EFNA5: variants seen among roughly 807,000 people sequenced by gnomAD.
EFNA5 encodes the protein ephrin A5.
Under a neutral mutation model 22.9 loss-of-function variants are expected in EFNA5, and 5 were observed. The ratio of observed to expected loss-of-function variants is 0.22; its 90% CI spans 0.11 to 0.46. The LOEUF is 0.46. Among genes scored for constraint, EFNA5 ranks in the 20% least tolerant of loss-of-function variants. EFNA5 has a pLI of 0.99. For synonymous variants in EFNA5, 113 were observed against 112.2 expected, an observed-to-expected ratio of 1.01 and a Z score of -0.04; for missense variants, 237 against 293.3, an observed-to-expected ratio of 0.81 and a Z score of 1.40.
chr5:107,565,982 T>C (rs1259109154), intron 1 of EFNA5, among the ~76,000 whole-genome samples: 1 of 152,358 alleles, frequency 6.6e-6, no homozygotes, highest in African/African-American at 2.4e-5. Context: ...AGGGCTTTGC[T>C]ATTGTCCCTC....
At chr5:107,628,667 G>A (rs922548649) in intron 1 of EFNA5, among the ~76,000 whole-genome samples, 1 of 152,014 alleles carries the variant, frequency 6.6e-6, no homozygotes, top group Non-Finnish European at 1.5e-5. Context: ...AATGAGTAAT[G>A]GGCTGAAAGC....
chr5:107,447,796 T>C (rs540322628), intron 1 of EFNA5, among the ~76,000 whole-genome samples: 47 of 152,080 alleles, frequency 3.1e-4, no homozygotes, highest in African/African-American at 1.1e-3. Context: ...TAGAACCTTA[T>C]TTTGAAAAAG....
At chr5:107,455,272 T>C (rs544429714) in intron 1 of EFNA5, among the ~76,000 whole-genome samples, 32 of 152,286 alleles carry the variant, frequency 2.1e-4, no homozygotes, top group Middle Eastern at 3.4e-3. Context: ...CATCAACAAA[T>C]GATTGACTGA....
chr5:107,593,795 C>T lies in EFNA5; in HGVS notation c.125+76694G>A, dbSNP rs189721738. Among the ~76,000 whole-genome samples, 6 of 152,276 alleles carry T rather than the reference C, an allele frequency of 3.9e-5. No individual in the cohort carries two copies. The East Asian group carries it at 1.2e-3, about 29-fold the overall frequency. ...TGTTGCTATAAAAGGATCCCACCAC[C>T]ACTATCAAATAATTACAAACTCACC... On this transcript the variant is annotated intron_variant, in intron 1 of 4. Transcript: ENST00000333274.
intron 2 of EFNA5, among the ~76,000 whole-genome samples, chr5:107,421,784 ATTTC>A (rs947308120): frequency 3.5e-5 from 5 of 144,892 alleles, no homozygotes; most frequent in African/African-American, 1.0e-4. Context: ...TTATCTCCTC[ATTTC>A]TTTCTTTCTT....
chr5:107,487,698 G>A (rs1746676949), intron 1 of EFNA5, among the ~76,000 whole-genome samples: 1 of 152,202 alleles, frequency 6.6e-6, no homozygotes, highest in South Asian at 2.1e-4. Context: ...GTTCAGCCCT[G>A]TAGCACCTTG....
At chr5:107,453,140 A>C (rs1749603746) in intron 1 of EFNA5, among the ~76,000 whole-genome samples, 1 of 152,202 alleles carries the variant, frequency 6.6e-6, no homozygotes. Flanking sequence ...CATATATTTT[A>C]TTACAAAACC....
At position 107,379,059 on chromosome 5, in the gene EFNA5, G is replaced by A. The variant is rs955863093; in HGVS notation, c.*2196C>T. ...ATATATAAATAGCTAAAGGAAAAAG[G>A]AATTGAATGCCGTGAACTTTTGTTT... On this transcript the variant is annotated 3_prime_UTR_variant, in exon 5 of 5. Transcript: ENST00000333274. The A allele has an allele frequency of 4.6e-5, 7 of 152,106 alleles. No homozygotes were observed. The highest frequency in any genetic ancestry group is 4.6e-4 in the Admixed American group (7 of 15,282). The allele number at this position is 152,106 out of a possible 1,614,324, so 9.4% of individuals were successfully genotyped here.
intron 1 of EFNA5, among the ~76,000 whole-genome samples, chr5:107,567,453 TG>T (rs529525225): frequency 2.0e-4 from 30 of 152,334 alleles, no homozygotes; most frequent in Non-Finnish European, 4.0e-4. Context: ...CACATGTACC[TG>T]TGCATACTTT....
At chr5:107,508,151 C>T (rs41464645) in intron 1 of EFNA5, among the ~76,000 whole-genome samples, 22,615 of 152,172 alleles carry the variant, frequency 0.15, 1,898 homozygotes, top group Middle Eastern at 0.21. Flanking sequence ...AGGTCTCCTT[C>T]CTCCTGCCAC....
At chr5:107,381,516 G>A in intron 4 of EFNA5, 140 bp from the exon 5 acceptor site, 4 of 941,040 alleles carry the variant, frequency 4.3e-6, no homozygotes, top group Non-Finnish European at 5.9e-6. Flanking sequence ...TTTCATGTCT[G>A]CATAATCACT....
intron 1 of EFNA5, among the ~76,000 whole-genome samples, chr5:107,623,252 T>C (rs1304138113): frequency 2.0e-5 from 3 of 152,068 alleles, no homozygotes; most frequent in African/African-American, 7.2e-5. Context: ...TTAAGATTCA[T>C]CTCTCTGAAT....
intron 1 of EFNA5, among the ~76,000 whole-genome samples, chr5:107,475,924 C>A (rs1227890950): frequency 6.7e-6 from 1 of 150,100 alleles, no homozygotes; most frequent in African/African-American, 2.5e-5. Flanking sequence ...AAATATTTTA[C>A]AAGAGTGAAT....
intron 1 of EFNA5, among the ~76,000 whole-genome samples, chr5:107,652,025 TATGAG>T (rs368974720): frequency 1.2e-4 from 18 of 152,290 alleles, no homozygotes; most frequent in African/African-American, 4.1e-4. Flanking sequence ...GTAGGAAGTA[TATGAG>T]ATATCTCTGT....
intron 1 of EFNA5, among the ~76,000 whole-genome samples, chr5:107,632,059 G>A (rs1580570774): frequency 2.0e-5 from 3 of 152,298 alleles, no homozygotes; most frequent in Middle Eastern, 3.4e-3. Flanking sequence ...AGGGAAGAAC[G>A]AGCCAGTAAT....
chr5:107,458,098 T>C (rs152582), intron 1 of EFNA5, among the ~76,000 whole-genome samples: 42,862 of 152,092 alleles, frequency 0.28, 6,520 homozygotes, highest in East Asian at 0.54. Context: ...ATATTTATTG[T>C]TGGGCTTGGC....
intron 1 of EFNA5, among the ~76,000 whole-genome samples, chr5:107,658,183 A>C (rs1005271978): frequency 6.6e-6 from 1 of 152,228 alleles, no homozygotes; most frequent in Non-Finnish European, 1.5e-5. Context: ...CTTTTATGTT[A>C]ATGTAAAAAG....
At chr5:107,418,597 C>T (rs1748569531) in intron 2 of EFNA5, among the ~76,000 whole-genome samples, 1 of 152,182 alleles carries the variant, frequency 6.6e-6, no homozygotes, top group Admixed American at 6.5e-5. Flanking sequence ...TAATAGCATT[C>T]TGAATTCTTA....
At chr5:107,466,063 A>G (rs1749971504) in intron 1 of EFNA5, among the ~76,000 whole-genome samples, 1 of 152,162 alleles carries the variant, frequency 6.6e-6, no homozygotes. Context: ...GCTCCTAAGC[A>G]CACAGCTAGG....
Sources: gnomAD v4.1 joint callset for allele counts (sites outside exome capture counted in the v4.1 genomes callset) on GRCh38, gnomAD v4.1.1 for gene constraint, MANE v1.5 for transcripts, NCBI Gene and HGNC (gene_info 2026-07-23, HGNC 2026-07-21) for gene names.